Variants in MTMR14 observed in about 807,000 individuals in gnomAD.
MTMR14 encodes phosphatidylinositol-3,5-bisphosphate 3-phosphatase MTMR14.
Under a neutral mutation model 86.3 loss-of-function variants are expected in MTMR14, and 48 were observed. The ratio of observed to expected loss-of-function variants is 0.56; its 90% CI spans 0.44 to 0.71. The LOEUF (loss-of-function observed/expected upper bound fraction) is 0.71, where lower values mean the gene tolerates loss of function less well. Among genes scored for constraint, MTMR14 ranks in the 30% least tolerant of loss-of-function variants. The pLI, the probability that MTMR14 is intolerant of heterozygous loss-of-function variation, is 0.00. For missense variants in MTMR14, 780 were observed against 834.6 expected (o/e 0.93, Z 0.81); for synonymous variants, 366 against 326.1 (o/e 1.12, Z -1.32).
intron 17 of MTMR14, among the ~76,000 whole-genome samples, chr3:9,692,180 C>A (rs1332065012): frequency 6.6e-6 from 1 of 152,192 alleles, no homozygotes; most frequent in Non-Finnish European, 1.5e-5. Flanking sequence ...TTTAGTGAAG[C>A]TGTCTGTGAC....
intron 13 of MTMR14, 133 bp from the exon 14 acceptor site, chr3:9,687,685 GACC>G: frequency 1.4e-6 from 1 of 733,492 alleles, no homozygotes; most frequent in Non-Finnish European, 2.4e-6. Flanking sequence ...ACCATTTATG[GACC>G]AGAACACCCA....
In MTMR14 at chr3:9,701,675, G is replaced by T; in HGVS notation, c.1770-115G>T. The stretch of plus-strand genomic sequence containing the variant: ...ATAGCATGGCCGTAGGACAGACACT[G>T]GCCTTGTACAGTCAGAAGAAGCACA... On this transcript the variant is annotated intron_variant, in intron 18 of 18. Coordinates refer to ENST00000296003, the MANE Select transcript of MTMR14 (RefSeq NM_001077525.3). This position sits in a 1 kb window ranked among gnomAD's most constrained non-coding sequence, Gnocchi z 4.2. 4.0e-6 allele frequency: 5 copies of T among 1,237,742 alleles called. No individual in the cohort carries two copies. Among genetic ancestry groups the T allele is most frequent in the Non-Finnish European group, 5.8e-6 (5 of 857,810 alleles). The allele number at this position is 1,237,742 out of a possible 1,614,324, so 76.7% of individuals were successfully genotyped here.
rs147318846 is a variant in MTMR14, at chr3:9,676,212, G to A, written c.752-1105G>A. 1.8e-3 allele frequency among the ~76,000 whole-genome samples: 281 copies of A among 152,320 alleles called. 1 individual carries two copies. Among genetic ancestry groups the A allele is most frequent in the Middle Eastern group, 0.017 (5 of 294 alleles). On this transcript the variant is annotated intron_variant, in intron 7 of 18. Transcript: ENST00000296003. ...GGAGGTGTGGCCAAAGCCATGTGCC[G>A]TCTGAAGTTTGTGTAGAGGCCCTGA...
At chr3:9,657,481 G>T (rs1246051751) in intron 2 of MTMR14, among the ~76,000 whole-genome samples, 1 of 152,084 alleles carries the variant, frequency 6.6e-6, no homozygotes, top group Non-Finnish European at 1.5e-5. Flanking sequence ...TGTTTGGCAG[G>T]TGTTGAGGTT....
intron 17 of MTMR14, among the ~76,000 whole-genome samples, chr3:9,691,680 G>A (rs2076143502): frequency 6.6e-6 from 1 of 152,156 alleles, no homozygotes; most frequent in Non-Finnish European, 1.5e-5. Flanking sequence ...TCCTGTGATA[G>A]TGTCCCTCAG....
chr3:9,682,276 G>A (rs1484127684), intron 9 of MTMR14, among the ~76,000 whole-genome samples: 5 of 152,192 alleles, frequency 3.3e-5, no homozygotes, highest in Non-Finnish European at 7.3e-5. Context: ...AGGTAAATGA[G>A]GCTGTTTTAA....
rs903778754 is a variant in MTMR14, at chr3:9,677,123, G to A, written c.752-194G>A. Among the ~76,000 whole-genome samples the A allele has an allele frequency of 3.9e-5, 6 of 152,214 alleles. No homozygotes were observed. The highest frequency in any genetic ancestry group is 1.3e-4 in the Admixed American group (2 of 15,286). On this transcript the variant is annotated intron_variant, in intron 7 of 18. Coordinates refer to ENST00000296003, the MANE Select transcript of MTMR14 (RefSeq NM_001077525.3). The surrounding 1 kb of genome is among the most constrained non-coding windows in gnomAD (Gnocchi z 4.2). ...GAAAAGGCATGCAGCCAGGAAACCA[G>A]AGGGGCTCTAGAGGCTCGCCCCTGG...
rs948415425 is a variant in MTMR14, at chr3:9,701,194, A to G, written c.1770-596A>G. 6.2e-6 allele frequency: 1 copy of G among 162,366 alleles called. No homozygotes were observed. The highest frequency in any genetic ancestry group is 2.4e-5 in the African/African-American group (1 of 41,540). The allele number at this position is 162,366 out of a possible 1,614,324, so 10.1% of individuals were successfully genotyped here. ...CTTGCTCTTCCTGAGGAGTGGAAGC[A>G]GAGAGCTGCTGGGGCAAATTCCCTC... On this transcript the variant is annotated intron_variant, in intron 18 of 18. Transcript: ENST00000296003. The surrounding 1 kb of genome is among the most constrained non-coding windows in gnomAD (Gnocchi z 4.2).
At position 9,701,521 on chromosome 3, in the gene MTMR14, CAAGAA is replaced by C; in HGVS notation, c.1770-266_1770-262del. 2.0e-6 allele frequency: 1 copy of C among 489,276 alleles called. No individual in the cohort carries two copies. Among genetic ancestry groups the C allele is most frequent in the South Asian group, 2.1e-5 (1 of 47,282 alleles). The allele number at this position is 489,276 out of a possible 1,614,324, so 30.3% of individuals were successfully genotyped here. A position where few individuals can be genotyped will look rare whatever the true frequency, so the allele number is the denominator to read the frequency against. On this transcript the variant is annotated intron_variant, in intron 18 of 18. Transcript: ENST00000296003. This position sits in a 1 kb window ranked among gnomAD's most constrained non-coding sequence, Gnocchi z 4.2. Reference sequence around the variant, plus strand: ...TGGGCAATAGAGTGAGACCTTGTCTCAAGAAAAAAAAAAAAAAGGTTAGTGTCCCA... The same window carrying C: ...TGGGCAATAGAGTGAGACCTTGTCTCAAAAAAAAAAAAGGTTAGTGTCCCA...
intron 17 of MTMR14, among the ~76,000 whole-genome samples, chr3:9,691,725 T>G (rs955447441): frequency 6.6e-6 from 1 of 152,190 alleles, no homozygotes; most frequent in African/African-American, 2.4e-5. Context: ...AGGGCGTGTC[T>G]CAGGCTCTTG....
At chr3:9,682,359 T>C (rs1176349085) in intron 9 of MTMR14, among the ~76,000 whole-genome samples, 2 of 152,200 alleles carry the variant, frequency 1.3e-5, no homozygotes, top group Admixed American at 6.5e-5. Context: ...TTTGCTGGCA[T>C]GCGTCACCCT....
chr3:9,699,561 C>G (rs906406032), intron 18 of MTMR14: 1 of 152,378 alleles, frequency 6.6e-6, no homozygotes, highest in Admixed American at 6.5e-5. Context: ...GCTCTATTCA[C>G]CAGCTGTATC....
At chr3:9,698,131 A>G (rs1483367598) in intron 18 of MTMR14, among the ~76,000 whole-genome samples, 1 of 152,234 alleles carries the variant, frequency 6.6e-6, no homozygotes, top group African/African-American at 2.4e-5. Flanking sequence ...GCTGGACTGT[A>G]ACTATAGAAG....
In MTMR14 at chr3:9,668,725, T is replaced by G. The variant is rs774272620; in HGVS notation, c.424T>G (p.Cys142Gly). 6.2e-7 allele frequency: 1 copy of G among 1,614,222 alleles called. No individual in the cohort carries two copies. The highest frequency in any genetic ancestry group is 8.5e-7 in the Non-Finnish European group (1 of 1,180,036). Residue 142 changes from cysteine to glycine, a missense_variant, in exon 4 of 19, where the codon TGC becomes GGC. Coordinates refer to ENST00000296003, the MANE Select transcript of MTMR14 (RefSeq NM_001077525.3). The part of the protein sequence containing the change: ...PVILFKGKHI[C>G]RSATLAGWGE... ...AATGATGTTTCTCTCCCAGCACATT[T>G]GCAGGTCGGCCACACTGGCTGGATG...
At chr3:9,654,235 A>C (rs994440904) in intron 2 of MTMR14, among the ~76,000 whole-genome samples, 1 of 152,314 alleles carries the variant, frequency 6.6e-6, no homozygotes. Flanking sequence ...CAAGTTACTT[A>C]ACTGCTTTGT....
chr3:9,677,854 C>A lies in MTMR14; in HGVS notation c.823-130C>A. ...TTTTTAAGCTGTCACTCCCAGGTAG[C>A]ACAGGTATCTGGCCCAGAGAAGGCA... On this transcript the variant is annotated intron_variant, in intron 8 of 18. Coordinates refer to ENST00000296003, the MANE Select transcript of MTMR14 (RefSeq NM_001077525.3). The surrounding 1 kb of genome is among the most constrained non-coding windows in gnomAD (Gnocchi z 4.2). 1 of 736,800 alleles carries A rather than the reference C, an allele frequency of 1.4e-6. No homozygotes were observed. The allele number at this position is 736,800 out of a possible 1,614,324, so 45.6% of individuals were successfully genotyped here.
At chr3:9,681,164 TTAC>T (rs1261731311) in intron 9 of MTMR14, among the ~76,000 whole-genome samples, 2 of 152,216 alleles carry the variant, frequency 1.3e-5, no homozygotes, top group Non-Finnish European at 2.9e-5. Flanking sequence ...AGTGTGAGGC[TTAC>T]TGAATGAATG....
intron 2 of MTMR14, among the ~76,000 whole-genome samples, chr3:9,661,942 C>T (rs1337324969): frequency 3.3e-5 from 5 of 151,816 alleles, no homozygotes; most frequent in Admixed American, 6.6e-5. Flanking sequence ...AAAAAATTAC[C>T]CAGGTGTGGT....
intron 7 of MTMR14, 122 bp downstream of exon 7, chr3:9,672,880 C>T: frequency 1.1e-6 from 1 of 890,270 alleles, no homozygotes; most frequent in Non-Finnish European, 1.9e-6. Flanking sequence ...TTGTGTCAGG[C>T]AGTGTAGGAC....
Sources: gnomAD v4.1 joint callset for allele counts (sites outside exome capture counted in the v4.1 genomes callset) on GRCh38, gnomAD v4.1.1 for gene constraint, Gnocchi (gnomAD v3.1) non-coding constraint, MANE v1.5 for transcripts, NCBI Gene and HGNC (gene_info 2026-07-23, HGNC 2026-07-21) for gene names.